DPP10: variants seen among roughly 807,000 people sequenced by gnomAD.
DPP10 encodes inactive dipeptidyl peptidase 10.
A neutral mutation model predicts 120.9 loss-of-function variants in DPP10; 33 were observed. The observed-to-expected ratio is 0.27, with a 90% CI of 0.21 to 0.37. The LOEUF (loss-of-function observed/expected upper bound fraction) is 0.37. DPP10 is among the 10% of genes least tolerant of loss of function. DPP10 has a pLI of 1.00. For synonymous variants in DPP10, 337 were observed against 326.1 expected, an observed-to-expected ratio of 1.03 and a Z score of -0.36; for missense variants, 816 against 942.8, an observed-to-expected ratio of 0.87 and a Z score of 1.76.
chr2:114,888,939 CAATACTTCA>C (rs1692311606), intron 1 of DPP10, among the ~76,000 whole-genome samples: 1 of 152,142 alleles, frequency 6.6e-6, no homozygotes, highest in South Asian at 2.1e-4. Flanking sequence ...TCTTAACCCT[CAATACTTCA>C]GAATGTGGCT....
intron 5 of DPP10, among the ~76,000 whole-genome samples, chr2:115,575,113 A>G (rs1334062492): frequency 6.6e-6 from 1 of 152,202 alleles, no homozygotes; most frequent in African/African-American, 2.4e-5. Flanking sequence ...CCCTGCTTTA[A>G]GAACACAATC....
At chr2:114,727,931 G>A (rs1053340103) in intron 1 of DPP10, among the ~76,000 whole-genome samples, 1 of 152,156 alleles carries the variant, frequency 6.6e-6, no homozygotes, top group Non-Finnish European at 1.5e-5. Flanking sequence ...TTACAACAAT[G>A]CTAAGAGGAT....
intron 3 of DPP10, among the ~76,000 whole-genome samples, chr2:115,450,027 A>G (rs2072972485): frequency 1.3e-5 from 2 of 152,034 alleles, no homozygotes; most frequent in Non-Finnish European, 1.5e-5. Flanking sequence ...GGCCTCTTGA[A>G]TCCCAATCCT....
At chr2:115,344,759 A>G (rs954080403) in intron 3 of DPP10, among the ~76,000 whole-genome samples, 5 of 152,194 alleles carry the variant, frequency 3.3e-5, no homozygotes, top group African/African-American at 1.2e-4. Context: ...TTGACCAACC[A>G]TACGAATCAT....
intron 1 of DPP10, among the ~76,000 whole-genome samples, chr2:115,156,905 A>G (rs2051952718): frequency 6.6e-6 from 1 of 152,216 alleles, no homozygotes; most frequent in South Asian, 2.1e-4. Context: ...AAATCAGGAA[A>G]AAAAATACCA....
intron 3 of DPP10, among the ~76,000 whole-genome samples, chr2:115,455,352 C>T: frequency 6.6e-6 from 1 of 151,468 alleles, no homozygotes; most frequent in East Asian, 1.9e-4. Context: ...CCTAAAACAG[C>T]CATGACAATA....
chr2:115,807,344 C>G (rs1686107558), intron 19 of DPP10, among the ~76,000 whole-genome samples: 1 of 152,070 alleles, frequency 6.6e-6, no homozygotes, highest in African/African-American at 2.4e-5. Context: ...GATGTTTATC[C>G]TGAGGTTAAT....
At chr2:115,280,127 G>C (rs1486934438) in intron 1 of DPP10, among the ~76,000 whole-genome samples, 1 of 152,134 alleles carries the variant, frequency 6.6e-6, no homozygotes, top group African/African-American at 2.4e-5. Flanking sequence ...AAAAATAATA[G>C]GTTGAAAGAC....
At chr2:115,656,890 A>G (rs902900085) in intron 5 of DPP10, among the ~76,000 whole-genome samples, 2 of 151,620 alleles carry the variant, frequency 1.3e-5, no homozygotes, top group African/African-American at 2.4e-5. Context: ...TTCTATTATG[A>G]TGGTTGCCAG....
chr2:115,688,626 T>C (rs745619401), intron 5 of DPP10, among the ~76,000 whole-genome samples: 4 of 152,118 alleles, frequency 2.6e-5, no homozygotes, highest in Non-Finnish European at 5.9e-5. Flanking sequence ...TTCACAGAAA[T>C]ATACTCATCA....
At chr2:115,417,160 A>G (rs1478714363) in intron 3 of DPP10, among the ~76,000 whole-genome samples, 2 of 152,152 alleles carry the variant, frequency 1.3e-5, no homozygotes, top group African/African-American at 2.4e-5. Context: ...GGCCCTTGTT[A>G]CAGATGTACC....
intron 5 of DPP10, among the ~76,000 whole-genome samples, chr2:115,548,875 T>C (rs150103156): frequency 6.6e-6 from 1 of 152,314 alleles, no homozygotes; most frequent in Non-Finnish European, 1.5e-5. Context: ...AATATCTGTG[T>C]AATTATCCTC....
intron 4 of DPP10, among the ~76,000 whole-genome samples, chr2:115,501,704 C>T (rs1412783969): frequency 6.6e-6 from 1 of 151,846 alleles, no homozygotes; most frequent in African/African-American, 2.4e-5. Flanking sequence ...AACCAGTTAC[C>T]CAAAACTGAG....
At chr2:115,125,272 T>C (rs574275349) in intron 1 of DPP10, among the ~76,000 whole-genome samples, 1 of 152,172 alleles carries the variant, frequency 6.6e-6, no homozygotes, top group African/African-American at 2.4e-5. Context: ...AAAAATCATC[T>C]CTGAGTATAA....
At chr2:115,050,748 G>A (rs1289118866) in intron 1 of DPP10, among the ~76,000 whole-genome samples, 1 of 152,170 alleles carries the variant, frequency 6.6e-6, no homozygotes, top group Non-Finnish European at 1.5e-5. Flanking sequence ...TTCGGTCTCT[G>A]CGCTGGCAAG....
At chr2:114,606,904 T>C (rs887841173) in intron 1 of DPP10, among the ~76,000 whole-genome samples, 3 of 152,170 alleles carry the variant, frequency 2.0e-5, no homozygotes, top group South Asian at 2.1e-4. Context: ...CTATACTCTA[T>C]AAATTGTGAG....
intron 1 of DPP10, among the ~76,000 whole-genome samples, chr2:115,011,379 C>A (rs1311132551): frequency 6.6e-6 from 1 of 152,156 alleles, no homozygotes; most frequent in Non-Finnish European, 1.5e-5. Context: ...ATCTTGAAAT[C>A]TCTAACTGTA....
At chr2:115,035,240 A>T (rs1329616736) in intron 1 of DPP10, among the ~76,000 whole-genome samples, 1 of 151,930 alleles carries the variant, frequency 6.6e-6, no homozygotes, top group Non-Finnish European at 1.5e-5. Context: ...GATTTTAAAC[A>T]TTACTCTTTC....
chr2:114,710,389 T>C (rs1344653897), intron 1 of DPP10, among the ~76,000 whole-genome samples: 1 of 152,208 alleles, frequency 6.6e-6, no homozygotes, highest in Non-Finnish European at 1.5e-5. Context: ...TCTTTTTGCT[T>C]TTCAGGTGAA....
Sources: allele counts gnomAD v4.1 joint callset (sites outside exome capture counted in the v4.1 genomes callset), GRCh38; gene constraint gnomAD v4.1.1; transcripts MANE v1.5; gene names NCBI Gene and HGNC (gene_info 2026-07-23, HGNC 2026-07-21).